The following CSMD1 variants were observed in gnomAD, a reference collection of about 807,000 sequenced individuals.
CSMD1 encodes the protein CUB and sushi domain-containing protein 1.
Under a neutral mutation model 417.5 loss-of-function variants are expected in CSMD1, and 213 were observed. The ratio of observed to expected loss-of-function variants is 0.51; its 90% CI spans 0.46 to 0.57. The LOEUF (loss-of-function observed/expected upper bound fraction) is 0.57, where lower values mean the gene tolerates loss of function less well. CSMD1 is among the 20% of genes least tolerant of loss of function. The pLI is 0.00. For missense variants in CSMD1, 6,923 were observed against 4,529.7 expected (o/e 1.53, Z -15.17); for synonymous variants, 2,862 against 1,736.8 (o/e 1.65, Z -16.11).
intron 11 of CSMD1, among the ~76,000 whole-genome samples, chr8:3,487,686 A>G (rs935118950): frequency 2.0e-5 from 3 of 152,212 alleles, no homozygotes; most frequent in Admixed American, 2.0e-4. Context: ...GGAGGTGCCT[A>G]CAAACACATT....
At chr8:3,829,469 C>T (rs1802246122) in intron 5 of CSMD1, among the ~76,000 whole-genome samples, 1 of 152,110 alleles carries the variant, frequency 6.6e-6, no homozygotes, top group Non-Finnish European at 1.5e-5. Context: ...AGAGCCCTTG[C>T]CGCCACCCTG....
chr8:4,303,863 C>T (rs1910717), intron 3 of CSMD1, among the ~76,000 whole-genome samples: 7 of 151,848 alleles, frequency 4.6e-5, no homozygotes, highest in African/African-American at 1.2e-4. Flanking sequence ...CACTATGTTG[C>T]CCAGGCTGGT....
In CSMD1 at chr8:4,395,371, C is replaced by A. The variant is rs1183958933; in HGVS notation, c.415+24582G>T. Among the ~76,000 whole-genome samples the A allele has an allele frequency of 2.6e-5, 4 of 152,090 alleles. No homozygotes were observed. The South Asian group carries it at 6.2e-4, about 24-fold the overall frequency. Reference sequence around the variant, plus strand: ...TTTGCATTAAGACTAGGGGAGTAGTCCCAATATCTGGTCCAGCTAGCCAGG... The same window carrying A: ...TTTGCATTAAGACTAGGGGAGTAGTACCAATATCTGGTCCAGCTAGCCAGG... On this transcript the variant is annotated intron_variant, in intron 3 of 69. Transcript: ENST00000635120.
At chr8:4,849,775 T>G (rs1192269428) in intron 1 of CSMD1, among the ~76,000 whole-genome samples, 1 of 152,212 alleles carries the variant, frequency 6.6e-6, no homozygotes, top group Non-Finnish European at 1.5e-5. Context: ...TTTTAGTAAG[T>G]GCACTCAATG....
At chr8:3,703,939 C>A (rs781100067) in intron 7 of CSMD1, among the ~76,000 whole-genome samples, 2 of 152,026 alleles carry the variant, frequency 1.3e-5, no homozygotes, top group Non-Finnish European at 2.9e-5. Context: ...GACATGGTGG[C>A]ACACACCTGT....
At chr8:3,719,027 C>T (rs1043236943) in intron 6 of CSMD1, among the ~76,000 whole-genome samples, 13 of 152,158 alleles carry the variant, frequency 8.5e-5, no homozygotes, top group African/African-American at 3.1e-4. Flanking sequence ...AAACAACATT[C>T]TTCCTGCACT....
chr8:3,121,354 G>A (rs1049217950), intron 41 of CSMD1, among the ~76,000 whole-genome samples: 14 of 152,104 alleles, frequency 9.2e-5, no homozygotes, highest in Admixed American at 7.9e-4. Flanking sequence ...AGTCAGAGAC[G>A]CAGCAGAAAA....
intron 3 of CSMD1, among the ~76,000 whole-genome samples, chr8:4,418,223 T>A (rs570283809): frequency 6.6e-6 from 1 of 152,276 alleles, no homozygotes; most frequent in African/African-American, 2.4e-5. Flanking sequence ...AATCATTTTC[T>A]ACATAGCCAC....
At chr8:4,943,415 G>C (rs1808152162) in intron 1 of CSMD1, among the ~76,000 whole-genome samples, 1 of 151,844 alleles carries the variant, frequency 6.6e-6, no homozygotes, top group Non-Finnish European at 1.5e-5. Context: ...AGAATGGCGT[G>C]AACCCGGGAG....
chr8:3,337,689 G>A (rs866795811), intron 23 of CSMD1, among the ~76,000 whole-genome samples: 3 of 152,152 alleles, frequency 2.0e-5, no homozygotes, highest in African/African-American at 4.8e-5. Flanking sequence ...TCTTGCGTCT[G>A]CTGAGATCAA....
At chr8:3,602,878 G>A (rs1408301437) in intron 8 of CSMD1, among the ~76,000 whole-genome samples, 1 of 152,058 alleles carries the variant, frequency 6.6e-6, no homozygotes, top group Admixed American at 6.6e-5. Flanking sequence ...GTATTTTGAA[G>A]CTAACAAATT....
chr8:3,786,191 C>A (rs1422841811), intron 5 of CSMD1, among the ~76,000 whole-genome samples: 3 of 152,124 alleles, frequency 2.0e-5, no homozygotes, highest in Non-Finnish European at 2.9e-5. Flanking sequence ...GACATGAGAT[C>A]TCCCCTGTTA....
intron 3 of CSMD1, among the ~76,000 whole-genome samples, chr8:4,323,534 C>A (rs1167579815): frequency 6.6e-6 from 1 of 152,014 alleles, no homozygotes; most frequent in Non-Finnish European, 1.5e-5. Context: ...AGGATCCTGA[C>A]CAGTGTGGGT....
intron 10 of CSMD1, among the ~76,000 whole-genome samples, chr8:3,528,822 G>A (rs745326568): frequency 6.6e-6 from 1 of 152,156 alleles, no homozygotes; most frequent in South Asian, 2.1e-4. Flanking sequence ...ACTGGAAATA[G>A]TTCTCCATTT....
chr8:3,236,084 AT>A (rs533682909), intron 26 of CSMD1, among the ~76,000 whole-genome samples: 2 of 151,338 alleles, frequency 1.3e-5, no homozygotes, highest in Non-Finnish European at 2.9e-5. Flanking sequence ...CACCAGGCTA[AT>A]TTTTTTGTAT....
chr8:3,024,265 C>T lies in CSMD1; in HGVS notation c.7855+5054G>A, dbSNP rs1287305771. ...TTTATTGATTTTTTTCTTGTAGATC[C>T]CAGATAATGTTTACATTTTGAGGTT... is the stretch of plus-strand genomic sequence containing the variant. On this transcript the variant is annotated intron_variant, in intron 51 of 69. Coordinates refer to ENST00000635120, the MANE Select transcript of CSMD1 (RefSeq NM_033225.6). Among the ~76,000 whole-genome samples the T allele has an allele frequency of 2.8e-5, 4 of 145,382 alleles. No individual in the cohort carries two copies. In the East Asian group the frequency reaches 8.1e-4, roughly 29 times the overall value.
intron 3 of CSMD1, among the ~76,000 whole-genome samples, chr8:4,244,152 T>C (rs999566191): frequency 1.3e-5 from 2 of 152,196 alleles, no homozygotes; most frequent in Admixed American, 1.3e-4. Context: ...AGATTTGTGC[T>C]ACAGGCAGCT....
At chr8:4,167,879 G>C (rs1797542940) in intron 3 of CSMD1, among the ~76,000 whole-genome samples, 1 of 152,094 alleles carries the variant, frequency 6.6e-6, no homozygotes, top group South Asian at 2.1e-4. Flanking sequence ...TGTAATCTCA[G>C]CACTTTGGGA....
At chr8:3,978,560 A>G (rs943155040) in intron 5 of CSMD1, among the ~76,000 whole-genome samples, 1 of 152,152 alleles carries the variant, frequency 6.6e-6, no homozygotes, top group African/African-American at 2.4e-5. Flanking sequence ...TCAAAAATAT[A>G]GATCCTCATA....
Sources: allele counts gnomAD v4.1 joint callset (sites outside exome capture counted in the v4.1 genomes callset), GRCh38; gene constraint gnomAD v4.1.1; transcripts MANE v1.5; gene names NCBI Gene and HGNC (gene_info 2026-07-23, HGNC 2026-07-21).